Variants in PCNX2 observed in about 807,000 individuals in gnomAD.
The protein encoded by PCNX2 is pecanex-like protein 2.
A neutral mutation model predicts 223.8 loss-of-function variants in PCNX2; 168 were observed. That is an observed-to-expected ratio of 0.75 (90% CI 0.66 to 0.85). The LOEUF is 0.85. Ranked by LOEUF, PCNX2 falls within the 40% of genes least tolerant of loss-of-function variation. The probability of loss-of-function intolerance (pLI) is 0.00; values close to 1 mark genes in which losing one functional copy is unlikely to be tolerated. For synonymous variants in PCNX2, 1,006 were observed against 1,052.6 expected, an observed-to-expected ratio of 0.96 and a Z score of 0.86; for missense variants, 2,507 against 2,675.5, an observed-to-expected ratio of 0.94 and a Z score of 1.39.
chr1:233,293,822 A>AT (rs1228389323), intron 1 of PCNX2: 1 of 365,806 alleles, frequency 2.7e-6, no homozygotes, highest in East Asian at 1.7e-4. Flanking sequence ...GCTCAAGCTC[A>AT]TATTAGGTCT....
At chr1:233,082,016 G>A (rs1472611757) in intron 23 of PCNX2, among the ~76,000 whole-genome samples, 1 of 152,062 alleles carries the variant, frequency 6.6e-6, no homozygotes, top group Non-Finnish European at 1.5e-5. Flanking sequence ...GTGTGTGTGT[G>A]TGTGTCCTCT....
At chr1:233,241,765 G>T (rs570484035) in intron 8 of PCNX2, among the ~76,000 whole-genome samples, 3 of 152,208 alleles carry the variant, frequency 2.0e-5, no homozygotes, top group Admixed American at 6.5e-5. Context: ...ATGGTACTGG[G>T]TATATCTAAT....
chr1:233,283,452 G>A (rs1184318494), intron 1 of PCNX2, among the ~76,000 whole-genome samples: 1 of 152,156 alleles, frequency 6.6e-6, no homozygotes, highest in Non-Finnish European at 1.5e-5. Flanking sequence ...GGCTGGGGCA[G>A]GGAAAGTACG....
intron 4 of PCNX2, among the ~76,000 whole-genome samples, chr1:233,261,069 C>T (rs1245182121): frequency 6.6e-6 from 1 of 151,860 alleles, no homozygotes; most frequent in Non-Finnish European, 1.5e-5. Flanking sequence ...GAATTATGAT[C>T]AACAAAATAT....
In PCNX2 at chr1:233,252,352, A is replaced by G; in HGVS notation, c.2128+2T>C. The G allele has an allele frequency of 6.2e-7, 1 of 1,603,722 alleles. No individual in the cohort carries two copies. Among genetic ancestry groups the G allele is most frequent in the Non-Finnish European group, 8.5e-7 (1 of 1,173,364 alleles). On this transcript the variant is annotated splice_donor_variant, in intron 7 of 33. Coordinates refer to ENST00000258229, the MANE Select transcript of PCNX2 (RefSeq NM_014801.4). LOFTEE classifies it high-confidence loss of function. ...CATTAGTAAAGAGCTCCAAAGACTCACCATGTTCATCAATGAAGACATGCA... is the reference window on the plus strand; with the variant it reads ...CATTAGTAAAGAGCTCCAAAGACTCGCCATGTTCATCAATGAAGACATGCA...
chr1:233,089,592 T>A (rs1673768067), intron 23 of PCNX2, among the ~76,000 whole-genome samples: 1 of 152,166 alleles, frequency 6.6e-6, no homozygotes, highest in East Asian at 1.9e-4. Flanking sequence ...ATGCCGCAAG[T>A]TTTATGGCAC....
At chr1:232,985,050 T>C (rs945374488) in intron 33 of PCNX2, 1 of 152,302 alleles carries the variant, frequency 6.6e-6, no homozygotes, top group Non-Finnish European at 1.5e-5. Flanking sequence ...TGTATTCTTT[T>C]AGTTATCTAA....
rs978736421 is a variant in PCNX2, at chr1:233,213,668, A to T, written c.2691+4231T>A. ...AGCAACAGTTAATTGAATAGAATGC[A>T]TAACAAGCTGTAGCCCTCTTTGGAG... is the stretch of plus-strand genomic sequence containing the variant. On this transcript the variant is annotated intron_variant, in intron 12 of 33. Transcript: ENST00000258229. Among the ~76,000 whole-genome samples the T allele has an allele frequency of 2.0e-5, 3 of 152,196 alleles. No homozygotes were observed. The East Asian group carries it at 5.8e-4, about 29-fold the overall frequency.
intron 19 of PCNX2, among the ~76,000 whole-genome samples, chr1:233,146,164 C>G (rs1227261135): frequency 6.6e-6 from 1 of 152,168 alleles, no homozygotes; most frequent in Admixed American, 6.5e-5. Context: ...CCTGTGAATT[C>G]TATAATTTAA....
In PCNX2 at chr1:233,252,462, C is replaced by T. The variant is rs1223484769; in HGVS notation, c.2020G>A (p.Val674Ile). 1 of 1,613,130 alleles carries T rather than the reference C, an allele frequency of 6.2e-7. No homozygotes were observed. The highest frequency in any genetic ancestry group is 8.5e-7 in the Non-Finnish European group (1 of 1,179,288). The stretch of plus-strand genomic sequence containing the variant: ...ACAGAACTATCTTGTTGGGAAGTTA[C>T]CCTGTAGATTATCTGTCTTTGTCTA... ...GNRQRQIIYR[V>I]TSQQDSSVLQ... Residue 674 changes from valine (V) to isoleucine (I), a missense_variant, in exon 7 of 34, where the codon GTA (valine) becomes ATA (isoleucine). Physicochemically the swap from Val to Ile is conservative, Grantham distance 29. This residue lies in a region of PCNX2 where 1,031 missense variants were observed against 1,021.7 expected (regional missense o/e 1.01). Coordinates refer to ENST00000258229, the MANE Select transcript of PCNX2 (RefSeq NM_014801.4).
At chr1:233,233,423 C>CGTGTGTGTGTGT (rs1558373333) in intron 9 of PCNX2, among the ~76,000 whole-genome samples, 3 of 115,584 alleles carry the variant, frequency 2.6e-5, no homozygotes, top group African/African-American at 7.1e-5. Context: ...CTCCTCTTCT[C>CGTGTGTGTGTGT]CTGTGTGTGT....
At chr1:233,021,419 C>G (rs1486811053) in intron 26 of PCNX2, among the ~76,000 whole-genome samples, 2 of 152,200 alleles carry the variant, frequency 1.3e-5, no homozygotes, top group Admixed American at 6.5e-5. Context: ...CCTTGGGTCC[C>G]GGGAGGTGGA....
At chr1:233,128,692 T>C (rs1377589378) in intron 21 of PCNX2, among the ~76,000 whole-genome samples, 1 of 152,228 alleles carries the variant, frequency 6.6e-6, no homozygotes. Flanking sequence ...AGAGTATTTG[T>C]CATCTTTGCT....
chr1:233,254,806 A>G (rs190666331), intron 5 of PCNX2, among the ~76,000 whole-genome samples: 20 of 152,108 alleles, frequency 1.3e-4, no homozygotes, highest in African/African-American at 3.4e-4. Flanking sequence ...ATATTCATCT[A>G]CATCATCTAA....
At chr1:233,275,680 A>G (rs1012078541) in intron 1 of PCNX2, among the ~76,000 whole-genome samples, 9 of 152,212 alleles carry the variant, frequency 5.9e-5, no homozygotes, top group African/African-American at 2.2e-4. Flanking sequence ...AAGAAATGAA[A>G]GCATGGTCTC....
At chr1:233,135,263 A>C (rs74827628) in intron 20 of PCNX2, 73 bp from the exon 21 acceptor site, 31,385 of 1,417,554 alleles carry the variant, frequency 0.022, 535 homozygotes, top group African/African-American at 0.068. Flanking sequence ...TTCGCTAACA[A>C]TTCTCCAGGA....
Position 232,998,364 on chromosome 1 carries a change from G to C in PCNX2, c.5678C>G (p.Thr1893Arg). The change falls in exon 32 of 34, where the codon ACG (threonine) becomes AGG (arginine). Residue 1893 changes from threonine (T) to arginine (R), a missense_variant. By Grantham distance (71) the Thr-to-Arg change is moderately conservative (BLOSUM62 -1). Transcript: ENST00000258229. ...ACTCGGGGCATTGTTGCCACCTGTC[G>C]TCGGGGCCCCTCCTCCGTCCACGTC... Reference protein sequence around the residue: ...IEDVDGGGAPTTGGNNAPSGG... With the variant: ...IEDVDGGGAPRTGGNNAPSGG... 6.2e-7 allele frequency: 1 copy of C among 1,613,196 alleles called. No individual in the cohort carries two copies. The highest frequency in any genetic ancestry group is 8.5e-7 in the Non-Finnish European group (1 of 1,179,652).
Position 233,139,877 on chromosome 1 carries a change from C to T in PCNX2, c.3518-22G>A. On this transcript the variant is annotated intron_variant, in intron 19 of 33. Transcript: ENST00000258229. This position sits in a 1 kb window ranked among gnomAD's most constrained non-coding sequence, Gnocchi z 4.4. ...ACATCTGAAAGAAATATAAAAACCA[C>T]TTAGAACAACCACCGATCAAAGTAT... 6.2e-7 allele frequency: 1 copy of T among 1,605,672 alleles called. No homozygotes were observed. The highest frequency in any genetic ancestry group is 8.5e-7 in the Non-Finnish European group (1 of 1,176,044).
At chr1:233,153,473 A>G (rs1034827443) in intron 19 of PCNX2, among the ~76,000 whole-genome samples, 2 of 152,248 alleles carry the variant, frequency 1.3e-5, no homozygotes, top group Non-Finnish European at 2.9e-5. Flanking sequence ...ATCAAGGTCT[A>G]TACTACTGGA....
Sources: allele counts gnomAD v4.1 joint callset (sites outside exome capture counted in the v4.1 genomes callset), GRCh38; gene constraint gnomAD v4.1.1; regional missense constraint gnomAD v4.1.1; non-coding constraint Gnocchi (gnomAD v3.1); transcripts MANE v1.5; gene names NCBI Gene and HGNC (gene_info 2026-07-23, HGNC 2026-07-21).